Variants in ISLR2 observed in about 807,000 individuals in gnomAD.
The protein encoded by ISLR2 is immunoglobulin superfamily containing leucine rich repeat 2.
ISLR2 carries 16 observed loss-of-function variants against 25.5 expected under a neutral mutation model. That is an observed-to-expected ratio of 0.63 (90% CI 0.43 to 0.95). The LOEUF (loss-of-function observed/expected upper bound fraction) is 0.95. Among genes scored for constraint, ISLR2 ranks in the 40% least tolerant of loss-of-function variants. The probability of loss-of-function intolerance (pLI) is 0.00; values close to 1 mark genes in which losing one functional copy is unlikely to be tolerated. For synonymous variants in ISLR2, 508 were observed against 486.6 expected (o/e 1.04, Z -0.58); for missense variants, 883 against 1,030.7 (o/e 0.86, Z 1.96).
downstream of ISLR2, among the ~76,000 whole-genome samples, chr15:74,139,688 G>C (rs1024814554): frequency 1.3e-5 from 2 of 152,202 alleles, no homozygotes; most frequent in African/African-American, 4.8e-5. Context: ...CAGGTGTGGA[G>C]GTGTAATCTT....
At chr15:74,121,201 C>T (rs1047155542) in intron 2 of ISLR2, among the ~76,000 whole-genome samples, 9 of 152,176 alleles carry the variant, frequency 5.9e-5, no homozygotes, top group Non-Finnish European at 1.2e-4. Context: ...TCCCTCCCTC[C>T]TTGCCTGCAC....
At chr15:74,113,974 G>A (rs1368028087) in intron 2 of ISLR2, among the ~76,000 whole-genome samples, 1 of 152,200 alleles carries the variant, frequency 6.6e-6, no homozygotes, top group Non-Finnish European at 1.5e-5. Flanking sequence ...GATTTCTGGG[G>A]CTTCTCCTCT....
chr15:74,132,622 A>C lies in ISLR2; in HGVS notation c.-8-125A>C. ...TCACTTCAGAGAGGCTCCTGGCCAT[A>C]GAGGAGGTTACCGGAGCCCTGGAAC... On this transcript the variant is annotated intron_variant, in intron 2 of 2. Coordinates refer to ENST00000453268, the MANE Select transcript of ISLR2 (RefSeq NM_020851.3). This position sits in a 1 kb window ranked among gnomAD's most constrained non-coding sequence, Gnocchi z 4.3. 7.6e-7 allele frequency: 1 copy of C among 1,313,892 alleles called. No individual in the cohort carries two copies. Among genetic ancestry groups the C allele is most frequent in the Non-Finnish European group, 1.0e-6 (1 of 985,090 alleles). The allele number at this position is 1,313,892 out of a possible 1,614,324, so 81.4% of individuals were successfully genotyped here.
rs1245772190 is a variant in ISLR2 at position 74,132,740 on chromosome 15, T to C, written c.-8-7T>C. The C allele has an allele frequency of 3.7e-6, 6 of 1,604,534 alleles. No individual in the cohort carries two copies. Among genetic ancestry groups the C allele is most frequent in the Non-Finnish European group, 5.1e-6 (6 of 1,172,574 alleles). On this transcript the variant is annotated splice_region_variant and splice_polypyrimidine_tract_variant and intron_variant, in intron 2 of 2. Transcript: ENST00000453268. This position sits in a 1 kb window ranked among gnomAD's most constrained non-coding sequence, Gnocchi z 4.3. ...TTCTTTCTTCTTCACCTGGCTTCCATCTGCAGGAGCCGCGATGTTCCCCCT... is the reference window on the plus strand; with the variant it reads ...TTCTTTCTTCTTCACCTGGCTTCCACCTGCAGGAGCCGCGATGTTCCCCCT...
At chr15:74,139,694 A>G (rs1202650688), downstream of ISLR2, among the ~76,000 whole-genome samples, 1 of 152,096 alleles carries the variant, frequency 6.6e-6, no homozygotes. Flanking sequence ...TGGAGGTGTA[A>G]TCTTCACCTC....
chr15:74,107,901 A>C (rs1393372469), intron 2 of ISLR2, among the ~76,000 whole-genome samples: 1 of 152,168 alleles, frequency 6.6e-6, no homozygotes, highest in Non-Finnish European at 1.5e-5. Context: ...GAGAAGTCAG[A>C]GACCCACAGG....
downstream of ISLR2, among the ~76,000 whole-genome samples, chr15:74,138,751 A>G (rs1219421038): frequency 6.6e-6 from 1 of 152,234 alleles, no homozygotes; most frequent in East Asian, 1.9e-4. Flanking sequence ...TCACAGCCCA[A>G]CACTGCAGTC....
chr15:74,134,025 A>G lies in ISLR2; in HGVS notation c.1271A>G (p.Lys424Arg). The change falls in exon 3 of 3, where the codon AAG becomes AGG. Residue 424 changes from lysine to arginine, a missense_variant. Physicochemically the swap from Lys to Arg is conservative, Grantham distance 26. Transcript: ENST00000453268. Reference protein sequence around the residue: ...EGKIKGQGLAKVSILGETETE... With the variant: ...EGKIKGQGLARVSILGETETE... ...AAAATCAAAGGCCAAGGCCTGGCCAAGGTCAGCATTCTCGGGGAGACCGAG... is the reference window on the plus strand; with the variant it reads ...AAAATCAAAGGCCAAGGCCTGGCCAGGGTCAGCATTCTCGGGGAGACCGAG... The G allele has an allele frequency of 6.2e-7, 1 of 1,613,472 alleles. No homozygotes were observed. Among genetic ancestry groups the G allele is most frequent in the Non-Finnish European group, 8.5e-7 (1 of 1,179,766 alleles).
intron 2 of ISLR2, among the ~76,000 whole-genome samples, chr15:74,119,759 G>A (rs1038210914): frequency 3.3e-5 from 5 of 152,022 alleles, no homozygotes; most frequent in African/African-American, 9.7e-5. Context: ...TAAAGATGAG[G>A]GAATAATTGA....
intron 2 of ISLR2, among the ~76,000 whole-genome samples, chr15:74,111,683 T>C (rs766318124): frequency 1.3e-5 from 2 of 151,988 alleles, no homozygotes; most frequent in Non-Finnish European, 2.9e-5. Context: ...GTGATTCTCC[T>C]GCCTCAGCCT....
chr15:74,107,353 C>T (rs2072129228), intron 2 of ISLR2, among the ~76,000 whole-genome samples: 3 of 152,210 alleles, frequency 2.0e-5, no homozygotes, highest in Admixed American at 6.5e-5. Context: ...CAGTCATGGG[C>T]TGTGACCAGG....
At chr15:74,120,707 C>T (rs139154641) in intron 2 of ISLR2, among the ~76,000 whole-genome samples, 2 of 151,834 alleles carry the variant, frequency 1.3e-5, no homozygotes, top group East Asian at 3.9e-4. Flanking sequence ...TGCTGTGTGA[C>T]CTTGGACAAC....
upstream of ISLR2, among the ~76,000 whole-genome samples, chr15:74,125,357 T>G (rs2072286711): frequency 6.6e-6 from 1 of 151,960 alleles, no homozygotes; most frequent in African/African-American, 2.4e-5. Flanking sequence ...CTGGTCTCAG[T>G]CTCCCTCCAG....
upstream of ISLR2, chr15:74,129,655 G>A (rs1178281408): frequency 6.5e-6 from 1 of 152,810 alleles, no homozygotes; most frequent in Non-Finnish European, 1.5e-5. The surrounding 1 kb of genome is among the most constrained non-coding windows in gnomAD (Gnocchi z 4.5). Flanking sequence ...TGAAAGAAAT[G>A]TCGGGGTTTC....
At position 74,133,504 on chromosome 15, in the gene ISLR2, G is replaced by C; in HGVS notation, c.750G>C (p.Leu250=). The change falls in exon 3 of 3, where the codon CTG becomes CTC. Residue 250 remains leucine, a synonymous_variant. Coordinates refer to ENST00000453268, the MANE Select transcript of ISLR2 (RefSeq NM_020851.3). The stretch of plus-strand genomic sequence containing the variant: ...CGCTTGAAGCACCCGGCACCCCACT[G>C]CGCGCAGGACTGGCGTTCGTGTTAC... The part of the protein sequence containing the change: ...EPPLEAPGTP[L]RAGLAFVLHC... The C allele has an allele frequency of 6.2e-7, 1 of 1,613,954 alleles. No individual in the cohort carries two copies. Among genetic ancestry groups the C allele is most frequent in the South Asian group, 1.1e-5 (1 of 91,084 alleles).
chr15:74,130,074 A>G (rs900343701), upstream of ISLR2: 2 of 152,056 alleles, frequency 1.3e-5, no homozygotes, highest in African/African-American at 2.4e-5. Context: ...TGGTTTAGCC[A>G]CAAAAGACCA....
At chr15:74,128,833 C>G, upstream of ISLR2, 1 of 399,886 alleles carries the variant, frequency 2.5e-6, no homozygotes, top group Non-Finnish European at 4.9e-6. Flanking sequence ...TTCCCAACAC[C>G]CGGACAACTG....
chr15:74,124,790 T>G (rs2072279676), upstream of ISLR2, among the ~76,000 whole-genome samples: 1 of 151,606 alleles, frequency 6.6e-6, no homozygotes, highest in Non-Finnish European at 1.5e-5. Context: ...ACACAATAGG[T>G]ATGTTTCCTT....
chr15:74,117,569 G>A (rs569527516), intron 2 of ISLR2, among the ~76,000 whole-genome samples: 1 of 152,204 alleles, frequency 6.6e-6, no homozygotes, highest in Non-Finnish European at 1.5e-5. Context: ...TGTAATCCCA[G>A]CTACTTGGGA....
Sources: allele counts gnomAD v4.1 joint callset (sites outside exome capture counted in the v4.1 genomes callset), GRCh38; gene constraint gnomAD v4.1.1; non-coding constraint Gnocchi (gnomAD v3.1); transcripts MANE v1.5; gene names NCBI Gene and HGNC (gene_info 2026-07-23, HGNC 2026-07-21).